ARHGEF10L: variants seen among roughly 807,000 people sequenced by gnomAD.
ARHGEF10L encodes the protein rho guanine nucleotide exchange factor 10-like protein.
Under a neutral mutation model 141.2 loss-of-function variants are expected in ARHGEF10L, and 69 were observed. The ratio of observed to expected loss-of-function variants is 0.49; its 90% CI spans 0.40 to 0.60. The LOEUF is 0.60. Ranked by LOEUF, ARHGEF10L falls within the 20% of genes least tolerant of loss-of-function variation. The pLI is 0.00. For synonymous variants in ARHGEF10L, 711 were observed against 718.5 expected, an observed-to-expected ratio of 0.99 and a Z score of 0.17; for missense variants, 1,482 against 1,734.3, an observed-to-expected ratio of 0.85 and a Z score of 2.58.
intron 4 of ARHGEF10L, among the ~76,000 whole-genome samples, chr1:17,589,844 A>G (rs935569881): frequency 5.3e-5 from 8 of 152,262 alleles, no homozygotes; most frequent in Non-Finnish European, 8.8e-5. Flanking sequence ...AGAGTGGGAC[A>G]GAGACGGACG....
the ARHGEF10L span, among the ~76,000 whole-genome samples, chr1:17,521,764 T>C: frequency 1.3e-5 from 2 of 152,138 alleles, no homozygotes; most frequent in Admixed American, 6.6e-5. Context: ...GCCAAGCTCT[T>C]AGCTGCTGTA....
At position 17,587,513 on chromosome 1, in the gene ARHGEF10L, C is replaced by A. The variant is rs768023504; in HGVS notation, c.91C>A (p.Pro31Thr). 2 of 1,614,048 alleles carry A rather than the reference C, an allele frequency of 1.2e-6. No homozygotes were observed. The highest frequency in any genetic ancestry group is 2.7e-5 in the African/African-American group (2 of 74,928). Residue 31 changes from proline to threonine, a missense_variant, in exon 3 of 29, where the codon CCA becomes ACA. Physicochemically the swap from Pro to Thr is conservative, Grantham distance 38. Transcript: ENST00000361221. ...CCCCTCCTCTGAGGCAGAGGACGACCCAGGAGAGGCGTTTGAGTTTGATGA... is the reference window on the plus strand; with the variant it reads ...CCCCTCCTCTGAGGCAGAGGACGACACAGGAGAGGCGTTTGAGTTTGATGA... ...PGPSSEAEDD[P>T]GEAFEFDDSD...
the ARHGEF10L span, among the ~76,000 whole-genome samples, chr1:17,532,452 C>A: frequency 6.6e-6 from 1 of 152,170 alleles, no homozygotes; most frequent in Non-Finnish European, 1.5e-5. Context: ...GCTGCAGATA[C>A]CCCTGAGGAG....
intron 1 of ARHGEF10L, among the ~76,000 whole-genome samples, chr1:17,566,995 G>T (rs889293854): frequency 2.6e-5 from 4 of 152,222 alleles, no homozygotes; most frequent in Non-Finnish European, 2.9e-5. Context: ...GACAAAGCAC[G>T]TGTGGAAGAT....
At position 17,644,602 on chromosome 1, in the gene ARHGEF10L, CA is replaced by C. The variant is rs1255561267; in HGVS notation, c.2273-3951del. 6.6e-6 allele frequency among the ~76,000 whole-genome samples: 1 copy of C among 152,214 alleles called. No individual in the cohort carries two copies. Among genetic ancestry groups the C allele is most frequent in the Non-Finnish European group, 1.5e-5 (1 of 68,036 alleles). ...GCCTGACATCTGTGGCTGTGGCCAG[CA>C]GCATCTCCATGGTGCTGGGGAGGTG... is the stretch of plus-strand genomic sequence containing the variant. On this transcript the variant is annotated intron_variant, in intron 21 of 28. Transcript: ENST00000361221. The surrounding 1 kb of genome is among the most constrained non-coding windows in gnomAD (Gnocchi z 4.5).
chr1:17,640,793 C>T (rs1386367081), intron 21 of ARHGEF10L, among the ~76,000 whole-genome samples: 1 of 152,216 alleles, frequency 6.6e-6, no homozygotes, highest in Non-Finnish European at 1.5e-5. Context: ...TTGGACTATA[C>T]TGATTCTCAA....
At chr1:17,538,083 G>GA (rs199523442), upstream of ARHGEF10L, among the ~76,000 whole-genome samples, 2 of 151,156 alleles carry the variant, frequency 1.3e-5, no homozygotes, top group African/African-American at 4.9e-5. Context: ...AACAAAGAAA[G>GA]AAAAAAAACA....
At chr1:17,569,517 G>A (rs774099820) in intron 1 of ARHGEF10L, among the ~76,000 whole-genome samples, 2 of 152,210 alleles carry the variant, frequency 1.3e-5, no homozygotes, top group Non-Finnish European at 2.9e-5. Flanking sequence ...TGCAAAGGCT[G>A]TTTCTTTCCT....
At position 17,632,345 on chromosome 1, in the gene ARHGEF10L, C is replaced by A; in HGVS notation, c.1609C>A (p.Leu537Met). ...GCTGTTGACCTCAGGCCAGCGGCAG[C>A]TGCTCCTGTGTGAGACGTTGACGGA... ...NKLLTSGQRQ[L>M]LLCETLTETV... Residue 537 changes from leucine (L) to methionine (M), a missense_variant, in exon 16 of 29, where the codon CTG becomes ATG. By Grantham distance (15) the Leu-to-Met change is conservative. Transcript: ENST00000361221. 6.2e-7 allele frequency: 1 copy of A among 1,614,142 alleles called. No individual in the cohort carries two copies. Among genetic ancestry groups the A allele is most frequent in the Non-Finnish European group, 8.5e-7 (1 of 1,180,030 alleles).
chr1:17,694,899 C>G (rs551413323), intron 27 of ARHGEF10L: 185 of 648,922 alleles, frequency 2.9e-4, no homozygotes, highest in African/African-American at 2.6e-3. Context: ...TGGTGTTCCC[C>G]CAATGCATCC....
chr1:17,678,736 T>C (rs2063885573), intron 26 of ARHGEF10L, among the ~76,000 whole-genome samples: 1 of 152,202 alleles, frequency 6.6e-6, no homozygotes. Flanking sequence ...AGATTAGTTT[T>C]GTTTTTAAAG....
intron 4 of ARHGEF10L, among the ~76,000 whole-genome samples, chr1:17,594,673 C>T (rs1216899488): frequency 2.0e-5 from 3 of 152,096 alleles, no homozygotes; most frequent in Admixed American, 6.5e-5. Flanking sequence ...TTAGTAGAAA[C>T]GGGGTCTCAC....
At chr1:17,552,418 G>A (rs888361651) in intron 1 of ARHGEF10L, among the ~76,000 whole-genome samples, 2 of 150,540 alleles carry the variant, frequency 1.3e-5, no homozygotes, top group African/African-American at 2.4e-5. Flanking sequence ...TTTTTCTTTT[G>A]AGATAGAATC....
At chr1:17,534,629 G>A in the ARHGEF10L span, among the ~76,000 whole-genome samples, 2 of 140,734 alleles carry the variant, frequency 1.4e-5, no homozygotes, top group African/African-American at 5.4e-5. Context: ...TTGCTCTGTT[G>A]CCCAGGCTGG....
intron 27 of ARHGEF10L, among the ~76,000 whole-genome samples, chr1:17,689,455 C>G (rs1363773866): frequency 7.0e-6 from 1 of 143,192 alleles, no homozygotes; most frequent in Non-Finnish European, 1.5e-5. Context: ...CTCCTTCCCC[C>G]TCTCTCCCTC....
At position 17,602,128 on chromosome 1, in the gene ARHGEF10L, G is replaced by A; in HGVS notation, c.259G>A (p.Val87Met). ...DPAAAPPGTG[V>M]PAWVSNGDAA... ...TGCAGTGCCATCTCTTGCCCGCAGG[G>A]TGCCAGCCTGGGTGAGCAATGGGGA... The change falls in exon 5 of 29, where the codon GTG (valine) becomes ATG (methionine). Residue 87 changes from valine (V) to methionine (M), a missense_variant and splice_region_variant. Physicochemically the swap from Val to Met is conservative, Grantham distance 21. Coordinates refer to ENST00000361221, the MANE Select transcript of ARHGEF10L (RefSeq NM_018125.4). 1.3e-6 allele frequency: 2 copies of A among 1,565,268 alleles called. No homozygotes were observed. The highest frequency in any genetic ancestry group is 8.7e-7 in the Non-Finnish European group (1 of 1,154,994).
chr1:17,648,412 G>A (rs74763218), intron 21 of ARHGEF10L, 142 bp from the exon 22 acceptor site: 981 of 1,045,416 alleles, frequency 9.4e-4, no homozygotes, highest in East Asian at 7.4e-3. Flanking sequence ...ATCTCAGTCC[G>A]GCAGGAGTAG....
chr1:17,617,225 C>T lies in ARHGEF10L; in HGVS notation c.835+1023C>T, dbSNP rs542928483. Among the ~76,000 whole-genome samples, 13 of 152,324 alleles carry T rather than the reference C, an allele frequency of 8.5e-5. No homozygotes were observed. The South Asian group carries it at 1.0e-3, about 12-fold the overall frequency. On this transcript the variant is annotated intron_variant, in intron 9 of 28. Coordinates refer to ENST00000361221, the MANE Select transcript of ARHGEF10L (RefSeq NM_018125.4). Reference sequence around the variant, plus strand: ...CCCATTAGAGGGTTTTACGCAGAAGCGTCCCATGGTCAGATTTGATCAATT... The same window carrying T: ...CCCATTAGAGGGTTTTACGCAGAAGTGTCCCATGGTCAGATTTGATCAATT...
rs1458131531 is a variant in ARHGEF10L, at chr1:17,697,304, G to A, written c.3764G>A (p.Gly1255Asp). 6.2e-7 allele frequency: 1 copy of A among 1,612,568 alleles called. No homozygotes were observed. The highest frequency in any genetic ancestry group is 1.7e-5 in the Admixed American group (1 of 60,022). Residue 1255 changes from glycine (G) to aspartate (D), a missense_variant, in exon 29 of 29, where the codon GGC becomes GAC. Coordinates refer to ENST00000361221, the MANE Select transcript of ARHGEF10L (RefSeq NM_018125.4). The surrounding 1 kb of genome is among the most constrained non-coding windows in gnomAD (Gnocchi z 4.8). Reference sequence around the variant, plus strand: ...TACCGCAACTTTGGCAGCGCTCTGGGCAGCAGTGGGAGGCAGGCCCCGTGT... The same window carrying A: ...TACCGCAACTTTGGCAGCGCTCTGGACAGCAGTGGGAGGCAGGCCCCGTGT... Reference protein sequence around the residue: ...QGYRNFGSALGSSGRQAPCGE... With the variant: ...QGYRNFGSALDSSGRQAPCGE...
Sources: gnomAD v4.1 joint callset for allele counts (sites outside exome capture counted in the v4.1 genomes callset) on GRCh38, gnomAD v4.1.1 for gene constraint, Gnocchi (gnomAD v3.1) non-coding constraint, MANE v1.5 for transcripts, NCBI Gene and HGNC (gene_info 2026-07-23, HGNC 2026-07-21) for gene names.